MED12L: variants seen among roughly 807,000 people sequenced by gnomAD.
The protein encoded by MED12L is mediator complex subunit 12L.
Under a neutral mutation model 281.3 loss-of-function variants are expected in MED12L, and 60 were observed. The observed-to-expected ratio is 0.21, with a 90% CI of 0.17 to 0.26. The LOEUF (loss-of-function observed/expected upper bound fraction) is 0.26, where lower values mean the gene tolerates loss of function less well. Ranked by LOEUF, MED12L falls within the 10% of genes least tolerant of loss-of-function variation. The pLI is 1.00. For missense variants in MED12L, 2,146 were observed against 2,680.9 expected (o/e 0.80, Z 4.41); for synonymous variants, 974 against 987.2 (o/e 0.99, Z 0.25).
intron 11 of MED12L, among the ~76,000 whole-genome samples, chr3:151,184,509 T>A (rs957203828): frequency 6.6e-6 from 1 of 152,200 alleles, no homozygotes; most frequent in Non-Finnish European, 1.5e-5. Flanking sequence ...GTTGATGTCC[T>A]ATTGGTTGGC....
chr3:151,221,184 G>A (rs1344070659), intron 16 of MED12L, among the ~76,000 whole-genome samples: 2 of 152,188 alleles, frequency 1.3e-5, no homozygotes, highest in Non-Finnish European at 2.9e-5. Flanking sequence ...TCTAGCTGAA[G>A]AAATTTCTAA....
intron 17 of MED12L, among the ~76,000 whole-genome samples, chr3:151,352,062 G>A (rs543513314): frequency 6.6e-6 from 1 of 152,308 alleles, no homozygotes; most frequent in South Asian, 2.1e-4. Flanking sequence ...CATATATAAT[G>A]AGAAATCTTG....
At chr3:151,247,375 A>T (rs1183673233) in intron 16 of MED12L, among the ~76,000 whole-genome samples, 1 of 152,264 alleles carries the variant, frequency 6.6e-6, no homozygotes, top group South Asian at 2.1e-4. Context: ...AATGTCCAAC[A>T]ATGATAGACT....
intron 16 of MED12L, among the ~76,000 whole-genome samples, chr3:151,227,690 G>A (rs1730815523): frequency 6.6e-6 from 1 of 152,196 alleles, no homozygotes; most frequent in South Asian, 2.1e-4. Flanking sequence ...ATGGCAAACT[G>A]GGGGCCAGGA....
At chr3:151,167,539 A>T (rs113323914) in intron 11 of MED12L, among the ~76,000 whole-genome samples, 1 of 152,230 alleles carries the variant, frequency 6.6e-6, no homozygotes, top group Non-Finnish European at 1.5e-5. Context: ...CCAGATTATT[A>T]TTCTTTTTGG....
Position 151,408,089 on chromosome 3 carries a change from G to A in MED12L, c.5821-1154G>A, listed in dbSNP as rs187074009. On this transcript the variant is annotated intron_variant, in intron 39 of 44. Coordinates refer to ENST00000687756, the MANE Select transcript of MED12L (RefSeq NM_001393769.1). ...AATGGAAAGAGCCCTAGGCTTTCAA[G>A]TCAGACTTCCTGGAGTTTAGATCAT... Among the ~76,000 whole-genome samples, 27 of 152,298 alleles carry A rather than the reference G, an allele frequency of 1.8e-4. No individual in the cohort carries two copies. The East Asian group carries it at 4.1e-3, about 23-fold the overall frequency.
chr3:151,177,594 C>G (rs895924172), intron 11 of MED12L, among the ~76,000 whole-genome samples: 2 of 151,970 alleles, frequency 1.3e-5, no homozygotes, highest in Non-Finnish European at 2.9e-5. Flanking sequence ...GGCTCAAGCT[C>G]TCTTCCCATC....
At chr3:151,345,407 A>G (rs930026992) in intron 16 of MED12L, among the ~76,000 whole-genome samples, 2 of 152,084 alleles carry the variant, frequency 1.3e-5, no homozygotes, top group Non-Finnish European at 2.9e-5. Context: ...AAGAGCAGAA[A>G]TCGTTGATAC....
At chr3:151,138,036 C>T (rs1043808910) in intron 5 of MED12L, among the ~76,000 whole-genome samples, 8 of 152,156 alleles carry the variant, frequency 5.3e-5, no homozygotes, top group African/African-American at 1.9e-4. Flanking sequence ...TTTACCCCAT[C>T]TTCAGATGTA....
chr3:151,390,049 A>G lies in MED12L; in HGVS notation c.5522A>G (p.His1841Arg). The G allele has an allele frequency of 6.2e-7, 1 of 1,614,154 alleles. No homozygotes were observed. The highest frequency in any genetic ancestry group is 8.5e-7 in the Non-Finnish European group (1 of 1,179,978). ...CCTATCTCCTCCCAAATGATGCACC[A>G]TCCACAGTCCACCTTGTGGGGTTAC... ...YSPISSQMMH[H>R]PQSTLWGYNL... The change falls in exon 38 of 45, where the codon CAT becomes CGT. Residue 1841 changes from histidine to arginine, a missense_variant. His to Arg is a conservative substitution (Grantham distance 29). This residue lies in a region of MED12L where 496 missense variants were observed against 512.0 expected (regional missense o/e 0.97). Transcript: ENST00000687756.
At chr3:151,339,431 TAA>T (rs3975402) in intron 16 of MED12L, among the ~76,000 whole-genome samples, 17 of 145,882 alleles carry the variant, frequency 1.2e-4, no homozygotes, top group African/African-American at 2.3e-4. Flanking sequence ...ACTGAATCAG[TAA>T]AAAAAAAAAA....
chr3:151,304,841 T>C (rs1471774207), intron 16 of MED12L, among the ~76,000 whole-genome samples: 7 of 152,154 alleles, frequency 4.6e-5, no homozygotes, highest in Admixed American at 4.6e-4. Flanking sequence ...AGGGTGGAGC[T>C]GAAGTCGTTT....
intron 39 of MED12L, among the ~76,000 whole-genome samples, chr3:151,396,063 T>C (rs1577554107): frequency 6.6e-6 from 1 of 152,338 alleles, no homozygotes; most frequent in East Asian, 1.9e-4. Context: ...TTAATTGCTT[T>C]AGCTCCCTGA....
intron 3 of MED12L, among the ~76,000 whole-genome samples, chr3:151,119,298 A>AT (rs1713370392): frequency 6.8e-6 from 1 of 146,094 alleles, no homozygotes; most frequent in Non-Finnish European, 1.5e-5. Flanking sequence ...CTGCTATAAC[A>AT]AAATACTTCA....
chr3:151,120,290 C>T (rs780417005), intron 3 of MED12L, among the ~76,000 whole-genome samples: 14 of 151,832 alleles, frequency 9.2e-5, no homozygotes, highest in Admixed American at 2.6e-4. Flanking sequence ...ACCTTGTTTG[C>T]GGGAGTACAC....
chr3:151,200,303 T>C (rs1222487357), intron 16 of MED12L, among the ~76,000 whole-genome samples: 1 of 152,200 alleles, frequency 6.6e-6, no homozygotes, highest in East Asian at 1.9e-4. Flanking sequence ...CAAACTCACA[T>C]GCTTAGAGCT....
intron 16 of MED12L, among the ~76,000 whole-genome samples, chr3:151,218,458 T>G (rs1001542363): frequency 1.3e-5 from 2 of 152,238 alleles, no homozygotes; most frequent in African/African-American, 4.8e-5. Flanking sequence ...TCACTGAATT[T>G]CTGCTGTGAA....
intron 5 of MED12L, among the ~76,000 whole-genome samples, chr3:151,143,237 G>T (rs1717300070): frequency 6.6e-6 from 1 of 152,124 alleles, no homozygotes; most frequent in Admixed American, 6.5e-5. Flanking sequence ...GCAATATGAT[G>T]TCTGTCGTAT....
intron 16 of MED12L, among the ~76,000 whole-genome samples, chr3:151,200,108 T>G (rs951144749): frequency 1.2e-4 from 18 of 152,332 alleles, no homozygotes; most frequent in Middle Eastern, 3.4e-3. Flanking sequence ...AGTCGCTTTT[T>G]TTTTCTTTCA....
Sources: gnomAD v4.1 joint callset for allele counts (sites outside exome capture counted in the v4.1 genomes callset) on GRCh38, gnomAD v4.1.1 for gene constraint, gnomAD v4.1.1 regional missense constraint, MANE v1.5 for transcripts, NCBI Gene and HGNC (gene_info 2026-07-23, HGNC 2026-07-21) for gene names.